Variants in STAG1 observed in about 807,000 individuals in gnomAD.
STAG1 encodes the protein STAG1 cohesin complex component, also known as cohesin subunit SA-1.
In STAG1, 26 loss-of-function variants were observed where a neutral mutation model predicts 170.9. The ratio of observed to expected loss-of-function variants is 0.15; its 90% CI spans 0.11 to 0.21. The LOEUF (loss-of-function observed/expected upper bound fraction) is 0.21. STAG1 is among the 10% of genes least tolerant of loss of function. STAG1 has a pLI of 1.00. For missense variants in STAG1, 964 were observed against 1,509.5 expected, an observed-to-expected ratio of 0.64 and a Z score of 5.99; for synonymous variants, 514 against 497.7, an observed-to-expected ratio of 1.03 and a Z score of -0.44.
chr3:136,445,050 G>T (rs1026008318), intron 14 of STAG1, among the ~76,000 whole-genome samples: 3 of 150,612 alleles, frequency 2.0e-5, no homozygotes, highest in African/African-American at 7.3e-5. Flanking sequence ...TGTAGAGACG[G>T]GGTTACCATG....
chr3:136,702,075 A>AAGAGAGAGAGAGAGAGAGAGAG (rs745623191), intron 1 of STAG1, among the ~76,000 whole-genome samples: 20 of 92,214 alleles, frequency 2.2e-4, no homozygotes, highest in East Asian at 9.6e-4. Context: ...ACCATGCCGA[A>AAGAGAGAGAGAGAGAGAGAGAG]AGAGAGAGAG....
chr3:136,534,334 C>G (rs973619175), intron 6 of STAG1, among the ~76,000 whole-genome samples: 1 of 152,088 alleles, frequency 6.6e-6, no homozygotes, highest in Non-Finnish European at 1.5e-5. Flanking sequence ...ATTCAGGACA[C>G]TGGTCTAGGC....
intron 1 of STAG1, among the ~76,000 whole-genome samples, chr3:136,665,411 A>G (rs2107869228): frequency 6.6e-6 from 1 of 152,258 alleles, no homozygotes; most frequent in African/African-American, 2.4e-5. Context: ...ACATAGCGTT[A>G]GGGTTACAGA....
chr3:136,437,126 C>A (rs113614502), intron 15 of STAG1, among the ~76,000 whole-genome samples: 4 of 152,144 alleles, frequency 2.6e-5, no homozygotes, highest in Non-Finnish European at 5.9e-5. Context: ...CACAGTCTTA[C>A]GGAAAGTGAG....
intron 1 of STAG1, among the ~76,000 whole-genome samples, chr3:136,652,662 C>T (rs6808312): frequency 0.64 from 97,160 of 152,016 alleles, 33,561 homozygotes; most frequent in African/African-American, 0.89. Flanking sequence ...ACTCAAGTTC[C>T]AGTAAGTTTA....
intron 1 of STAG1, among the ~76,000 whole-genome samples, chr3:136,643,018 T>C (rs932184829): frequency 3.3e-5 from 5 of 152,242 alleles, no homozygotes; most frequent in Non-Finnish European, 5.9e-5. Context: ...ACCAGTCATA[T>C]TGGATTAGGG....
intron 1 of STAG1, among the ~76,000 whole-genome samples, chr3:136,710,743 T>A (rs1385247259): frequency 6.6e-6 from 1 of 151,736 alleles, no homozygotes; most frequent in Admixed American, 6.6e-5. Flanking sequence ...CTTTCATGAA[T>A]AGATTAAAAC....
chr3:136,579,187 T>C (rs1241361007), intron 4 of STAG1, among the ~76,000 whole-genome samples: 3 of 152,242 alleles, frequency 2.0e-5, no homozygotes, highest in African/African-American at 7.2e-5. Context: ...GATATGCAGC[T>C]ACTGACCTCA....
intron 27 of STAG1, among the ~76,000 whole-genome samples, chr3:136,358,375 C>T (rs1232701412): frequency 1.3e-5 from 2 of 151,842 alleles, no homozygotes; most frequent in East Asian, 1.9e-4. Context: ...ATGAGCTACC[C>T]GTGCCTGGCC....
intron 16 of STAG1, 31 bp from the exon 17 acceptor site, chr3:136,423,075 AT>A: frequency 7.0e-7 from 1 of 1,432,782 alleles, no homozygotes; most frequent in Non-Finnish European, 9.6e-7. Flanking sequence ...GAAGAAGAGT[AT>A]TGTGTTAAAT....
At chr3:136,740,189 G>A (rs1934588117) in intron 1 of STAG1, among the ~76,000 whole-genome samples, 1 of 152,136 alleles carries the variant, frequency 6.6e-6, no homozygotes, top group South Asian at 2.1e-4. Context: ...GTTTCAGTGA[G>A]CCAAGATCAC....
At chr3:136,602,395 A>AG (rs1553752848) in intron 4 of STAG1, among the ~76,000 whole-genome samples, 14 of 151,454 alleles carry the variant, frequency 9.2e-5, no homozygotes, top group South Asian at 2.1e-4. Flanking sequence ...AAAAAAAAAA[A>AG]AGAGAGAGAG....
intron 1 of STAG1, among the ~76,000 whole-genome samples, chr3:136,651,613 T>C (rs1379687705): frequency 2.0e-5 from 3 of 152,174 alleles, no homozygotes; most frequent in Non-Finnish European, 4.4e-5. Context: ...TAATTTCTCA[T>C]GCTAGATCAG....
intron 1 of STAG1, among the ~76,000 whole-genome samples, chr3:136,722,817 G>C (rs954132940): frequency 2.0e-5 from 3 of 152,072 alleles, no homozygotes; most frequent in Non-Finnish European, 4.4e-5. Context: ...TCAGCCTGCC[G>C]AGTGCCTGCG....
intron 1 of STAG1, among the ~76,000 whole-genome samples, chr3:136,702,115 G>GAGAGAGAGAC (rs1943093054): frequency 6.9e-4 from 46 of 66,372 alleles, no homozygotes; most frequent in Non-Finnish European, 1.4e-3. Context: ...GAGAGAGAGA[G>GAGAGAGAGAC]AGAGAGACAG....
intron 14 of STAG1, among the ~76,000 whole-genome samples, chr3:136,450,860 T>C (rs1007353868): frequency 1.3e-5 from 2 of 152,164 alleles, no homozygotes; most frequent in South Asian, 4.1e-4. Context: ...GCAATTCTTG[T>C]GTCTCAGACT....
At chr3:136,596,429 A>G (rs1340099361) in intron 4 of STAG1, among the ~76,000 whole-genome samples, 1 of 152,178 alleles carries the variant, frequency 6.6e-6, no homozygotes, top group African/African-American at 2.4e-5. Context: ...TTTTTCAGAC[A>G]TAATAATATT....
At chr3:136,676,064 T>G (rs1039469870) in intron 1 of STAG1, among the ~76,000 whole-genome samples, 21 of 152,240 alleles carry the variant, frequency 1.4e-4, no homozygotes, top group African/African-American at 4.6e-4. Flanking sequence ...TGCAGGCAAC[T>G]GCAACACAAT....
At chr3:136,537,505 GTT>G (rs112443777) in intron 6 of STAG1, among the ~76,000 whole-genome samples, 1 of 131,870 alleles carries the variant, frequency 7.6e-6, no homozygotes, top group African/African-American at 2.8e-5. Context: ...TTTTTTTTTT[GTT>G]TTTTTTTTTT....
Sources: gnomAD v4.1 joint callset for allele counts (sites outside exome capture counted in the v4.1 genomes callset) on GRCh38, gnomAD v4.1.1 for gene constraint, MANE v1.5 for transcripts, NCBI Gene and HGNC (gene_info 2026-07-23, HGNC 2026-07-21) for gene names.